MEGF10: variants seen among roughly 807,000 people sequenced by gnomAD.
MEGF10 encodes the protein multiple epidermal growth factor-like domains protein 10.
Under a neutral mutation model 147.5 loss-of-function variants are expected in MEGF10, and 86 were observed. The ratio of observed to expected loss-of-function variants is 0.58; its 90% CI spans 0.49 to 0.70. The LOEUF is 0.70. Among genes scored for constraint, MEGF10 ranks in the 30% least tolerant of loss-of-function variants. The pLI, the probability that MEGF10 is intolerant of heterozygous loss-of-function variation, is 0.00. For synonymous variants in MEGF10, 478 were observed against 525.5 expected (o/e 0.91, Z 1.24); for missense variants, 1,329 against 1,487.3 (o/e 0.89, Z 1.75).
chr5:127,308,941 C>T (rs1008404480), intron 1 of MEGF10, among the ~76,000 whole-genome samples: 19 of 152,020 alleles, frequency 1.2e-4, no homozygotes, highest in African/African-American at 4.6e-4. Flanking sequence ...TTAAATTGCT[C>T]TATTTTGGTT....
At chr5:127,386,492 T>C (rs1327510534) in intron 5 of MEGF10, among the ~76,000 whole-genome samples, 1 of 152,218 alleles carries the variant, frequency 6.6e-6, no homozygotes, top group Non-Finnish European at 1.5e-5. Context: ...CTTCTGGACA[T>C]ACAGTCACCA....
Position 127,375,062 on chromosome 5 carries a change from G to A in MEGF10, c.412+5060G>A, listed in dbSNP as rs150235243. ...TTAAGAGGTATTCCACAGAATCCTC[G>A]GGTTCCAGACCTAGGTGTTCCCTCC... On this transcript the variant is annotated intron_variant, in intron 5 of 24. Coordinates refer to ENST00000503335, the MANE Select transcript of MEGF10 (RefSeq NM_001256545.2). Among the ~76,000 whole-genome samples, 963 of 152,188 alleles carry A rather than the reference G, an allele frequency of 6.3e-3. 4 individuals are homozygous for A. Among genetic ancestry groups the A allele is most frequent in the Non-Finnish European group, 9.9e-3 (675 of 68,010 alleles).
At chr5:127,230,575 C>A in the MEGF10 span, among the ~76,000 whole-genome samples, 2 of 152,022 alleles carry the variant, frequency 1.3e-5, no homozygotes, top group Non-Finnish European at 2.9e-5. Context: ...AGAAAATAAA[C>A]AATTGTTGGG....
chr5:127,300,677 A>G (rs967053982), intron 1 of MEGF10, among the ~76,000 whole-genome samples: 2 of 152,224 alleles, frequency 1.3e-5, no homozygotes, highest in African/African-American at 2.4e-5. Context: ...TTAAGGATCT[A>G]TCATGATGGG....
intron 4 of MEGF10, among the ~76,000 whole-genome samples, chr5:127,351,975 T>C (rs1762105156): frequency 6.6e-6 from 1 of 152,204 alleles, no homozygotes; most frequent in Non-Finnish European, 1.5e-5. Flanking sequence ...TGCCAACTGT[T>C]TCCTAAGGAA....
chr5:127,345,145 GTGGTCACTGAA>G (rs1409711533), intron 4 of MEGF10, among the ~76,000 whole-genome samples: 1 of 152,216 alleles, frequency 6.6e-6, no homozygotes, highest in Non-Finnish European at 1.5e-5. Flanking sequence ...GAAGCAGCAG[GTGGTCACTGAA>G]TGGCTCTTCA....
At chr5:127,389,880 T>A (rs1009194505) in intron 5 of MEGF10, among the ~76,000 whole-genome samples, 1 of 151,968 alleles carries the variant, frequency 6.6e-6, no homozygotes, top group Non-Finnish European at 1.5e-5. Flanking sequence ...ATGACATGAG[T>A]TTACCTTCAT....
chr5:127,247,401 GAA>G, the MEGF10 span, among the ~76,000 whole-genome samples: 8 of 54,598 alleles, frequency 1.5e-4, no homozygotes, highest in Non-Finnish European at 2.5e-4. Flanking sequence ...AGAAGAAGAA[GAA>G]GAAGAAGAAG....
chr5:127,259,693 C>G, the MEGF10 span, among the ~76,000 whole-genome samples: 1 of 152,138 alleles, frequency 6.6e-6, no homozygotes, highest in African/African-American at 2.4e-5. Context: ...TGGATGATGT[C>G]TTGTGCCACT....
In MEGF10 at chr5:127,433,351, G is replaced by A. The variant is rs1366145908; in HGVS notation, c.1694-12G>A. 1.2e-6 allele frequency: 2 copies of A among 1,614,192 alleles called. No homozygotes were observed. Among genetic ancestry groups the A allele is most frequent in the South Asian group, 1.1e-5 (1 of 91,078 alleles). On this transcript the variant is annotated splice_polypyrimidine_tract_variant and intron_variant, in intron 13 of 24. Transcript: ENST00000503335. ...CCTCTCACTCAGCCTTGCCCCATGT[G>A]CATTATTTCAGGTGTCCACTGTGAC...
chr5:127,304,214 G>A (rs940093739), intron 1 of MEGF10, among the ~76,000 whole-genome samples: 6 of 152,122 alleles, frequency 3.9e-5, no homozygotes, highest in Admixed American at 2.0e-4. Flanking sequence ...CCACAGTTCT[G>A]GTCTTGTTTT....
the MEGF10 span, among the ~76,000 whole-genome samples, chr5:127,233,761 T>A: frequency 6.6e-6 from 1 of 152,194 alleles, no homozygotes; most frequent in African/African-American, 2.4e-5. Context: ...GGGAGCTCAT[T>A]TGTCATGGCC....
At chr5:127,408,410 G>A (rs192798537) in intron 8 of MEGF10, among the ~76,000 whole-genome samples, 1 of 152,268 alleles carries the variant, frequency 6.6e-6, no homozygotes, top group East Asian at 1.9e-4. Flanking sequence ...GCCTTCAGTA[G>A]GAGCCATAAT....
chr5:127,380,340 G>A (rs17165019), intron 5 of MEGF10, among the ~76,000 whole-genome samples: 8,995 of 152,152 alleles, frequency 0.059, 563 homozygotes, highest in African/African-American at 0.15. Context: ...GCTGAAGTAT[G>A]TAAACAAACA....
chr5:127,304,058 T>C (rs1456527121), intron 1 of MEGF10, among the ~76,000 whole-genome samples: 1 of 152,246 alleles, frequency 6.6e-6, no homozygotes, highest in East Asian at 1.9e-4. Context: ...AGTGAGTCTA[T>C]TTCAGAATCC....
intron 21 of MEGF10, among the ~76,000 whole-genome samples, chr5:127,448,615 T>C (rs367653970): frequency 1.4e-3 from 212 of 152,320 alleles, no homozygotes; most frequent in African/African-American, 4.9e-3. Flanking sequence ...TGGTTAAATA[T>C]CACTCCACAT....
At chr5:127,382,156 G>T (rs1689144611) in intron 5 of MEGF10, among the ~76,000 whole-genome samples, 2 of 152,118 alleles carry the variant, frequency 1.3e-5, no homozygotes, top group Non-Finnish European at 2.9e-5. Context: ...ACACAACCTA[G>T]TTAATTTTAA....
At chr5:127,315,382 T>C (rs552528316) in intron 1 of MEGF10, among the ~76,000 whole-genome samples, 1 of 152,282 alleles carries the variant, frequency 6.6e-6, no homozygotes, top group East Asian at 1.9e-4. Flanking sequence ...CTTATGTACA[T>C]TTGGGGTCCA....
chr5:127,409,688 C>T (rs1764480238), intron 8 of MEGF10: 1 of 152,546 alleles, frequency 6.6e-6, no homozygotes. Context: ...GGCAGCCCTT[C>T]TTCCCAACAG....
Sources: allele counts gnomAD v4.1 joint callset (sites outside exome capture counted in the v4.1 genomes callset), GRCh38; gene constraint gnomAD v4.1.1; transcripts MANE v1.5; gene names NCBI Gene and HGNC (gene_info 2026-07-23, HGNC 2026-07-21).